The following PTPRQ variants were observed in gnomAD, a reference collection of about 807,000 sequenced individuals.
The protein encoded by PTPRQ is protein tyrosine phosphatase receptor type Q.
In PTPRQ, 199 loss-of-function variants were observed where a neutral mutation model predicts 246.0. The ratio of observed to expected loss-of-function variants is 0.81; its 90% confidence interval spans 0.72 to 0.91. PTPRQ has a LOEUF of 0.91. Ranked by LOEUF, PTPRQ falls within the 40% of genes least tolerant of loss-of-function variation. PTPRQ has a pLI of 0.00. For synonymous variants in PTPRQ, 869 were observed against 853.2 expected, an observed-to-expected ratio of 1.02 and a Z score of -0.32; for missense variants, 2,624 against 2,528.4, an observed-to-expected ratio of 1.04 and a Z score of -0.81.
At chr12:80,450,696 A>G (rs1277971670) in intron 3 of PTPRQ, among the ~76,000 whole-genome samples, 1 of 152,174 alleles carries the variant, frequency 6.6e-6, no homozygotes, top group African/African-American at 2.4e-5. Context: ...ATTTGTGTAT[A>G]TTGAACCAGC....
intron 37 of PTPRQ, among the ~76,000 whole-genome samples, chr12:80,650,678 A>C (rs1900226489): frequency 6.6e-6 from 1 of 152,058 alleles, no homozygotes; most frequent in South Asian, 2.1e-4. Flanking sequence ...GGACTTAACA[A>C]AATCAATAGT....
chr12:80,673,412 C>T, intron 43 of PTPRQ, 108 bp downstream of exon 43: 1 of 1,442,806 alleles, frequency 6.9e-7, no homozygotes, highest in South Asian at 1.4e-5. Context: ...TGGACACCTT[C>T]TTTTCCTACA....
rs113703579 is a variant in PTPRQ at position 80,530,373 on chromosome 12, C to T, written c.2679-3642C>T. On this transcript the variant is annotated intron_variant, in intron 17 of 44. Coordinates refer to ENST00000644991, the MANE Select transcript of PTPRQ (RefSeq NM_001145026.2). The stretch of plus-strand genomic sequence containing the variant: ...TTTTGAGGATAGGGGCTGTATCTTA[C>T]TCATATTTATGCCTAAAGTAGTGCC... Among the ~76,000 whole-genome samples, 8 of 152,266 alleles carry T rather than the reference C, an allele frequency of 5.3e-5. 1 individual carries two copies. Among genetic ancestry groups the T allele is most frequent in the African/African-American group, 1.9e-4 (8 of 41,564 alleles).
In PTPRQ at chr12:80,619,116, T is replaced by C. The variant is rs1399061821; in HGVS notation, c.5231-268T>C. ...ATATATGAGTGAGAGCATGTATAAA[T>C]TGAATTTTTAATATGCAAAGAGGAG... On this transcript the variant is annotated intron_variant, in intron 30 of 44. Transcript: ENST00000644991. 4.0e-5 allele frequency among the ~76,000 whole-genome samples: 6 copies of C among 151,490 alleles called. 1 individual carries two copies. The South Asian group carries it at 1.2e-3, about 31-fold the overall frequency.
chr12:80,452,500 G>C (rs1040775926), intron 3 of PTPRQ, among the ~76,000 whole-genome samples: 1 of 152,142 alleles, frequency 6.6e-6, no homozygotes, highest in Non-Finnish European at 1.5e-5. Flanking sequence ...TCAGTGGCTG[G>C]TACCGGTTGT....
intron 9 of PTPRQ, among the ~76,000 whole-genome samples, chr12:80,492,996 C>T (rs1237350330): frequency 1.3e-5 from 2 of 151,808 alleles, no homozygotes; most frequent in African/African-American, 4.8e-5. Flanking sequence ...CTTATCTTAC[C>T]ATAAAGAAAC....
At chr12:80,618,360 TCACACACACACACA>T (rs3071377) in intron 30 of PTPRQ, among the ~76,000 whole-genome samples, 44 of 125,638 alleles carry the variant, frequency 3.5e-4, no homozygotes, top group African/African-American at 1.0e-3. Context: ...AGCACTACAT[TCACACACACACACA>T]CACACACACA....
chr12:80,604,297 G>A (rs1036813717), intron 26 of PTPRQ, among the ~76,000 whole-genome samples: 1 of 151,532 alleles, frequency 6.6e-6, no homozygotes, highest in Non-Finnish European at 1.5e-5. Flanking sequence ...GAAATTAACT[G>A]TGGCTAAATC....
rs1899465240 is a variant in PTPRQ, at chr12:80,632,207, A to G, written c.5702A>G (p.Glu1901Gly). ...PVKTLGEGLS[E>G]RTVEIILSVT... is the part of the protein sequence containing the mutation. The stretch of plus-strand genomic sequence containing the variant: ...TCTTCTCCAGGGGAAGGACTTTCAG[A>G]AAGAACCGTAGAGATCATTCTTTCC... The change falls in exon 34 of 45, where the codon GAA becomes GGA. Residue 1901 changes from glutamate to glycine, a missense_variant. Glu to Gly is a moderately conservative substitution (Grantham distance 98). Transcript: ENST00000644991. 1.9e-6 allele frequency: 3 copies of G among 1,550,778 alleles called. No individual in the cohort carries two copies. The African/African-American group carries it at 4.1e-5, about 21-fold the overall frequency.
chr12:80,535,830 G>A (rs1390873715), intron 19 of PTPRQ, among the ~76,000 whole-genome samples: 6 of 152,178 alleles, frequency 3.9e-5, no homozygotes, highest in South Asian at 2.1e-4. Context: ...AAACACGGCC[G>A]GGCGTGGTGG....
At chr12:80,446,973 G>C (rs575752932) in intron 3 of PTPRQ, among the ~76,000 whole-genome samples, 3 of 152,056 alleles carry the variant, frequency 2.0e-5, no homozygotes, top group African/African-American at 7.2e-5. Flanking sequence ...TCTATTTTCA[G>C]GTCTTTGAGA....
chr12:80,673,075 A>G lies in PTPRQ; in HGVS notation c.6603-94A>G, dbSNP rs138969399. The G allele has an allele frequency of 2.6e-4, 384 of 1,460,402 alleles. 1 individual carries two copies. The African/African-American group carries it at 5.2e-3, about 20-fold the overall frequency. 90.5% of individuals were successfully genotyped at this position (1,460,402 alleles called of 1,614,324 possible). On this transcript the variant is annotated intron_variant, in intron 42 of 44. Coordinates refer to ENST00000644991, the MANE Select transcript of PTPRQ (RefSeq NM_001145026.2). ...CCTCCAAATAAGAGAAGAAACTATT[A>G]GAATTTATTGCTATCATAGCTCATT...
intron 26 of PTPRQ, among the ~76,000 whole-genome samples, chr12:80,591,487 T>C (rs1456380510): frequency 2.6e-5 from 4 of 152,128 alleles, no homozygotes; most frequent in African/African-American, 7.2e-5. Context: ...AAATATTCCC[T>C]GAATGAGAGA....
At chr12:80,634,421 A>G (rs1260994505) in intron 34 of PTPRQ, among the ~76,000 whole-genome samples, 2 of 152,202 alleles carry the variant, frequency 1.3e-5, no homozygotes, top group African/African-American at 4.8e-5. Context: ...CTGATTGTAA[A>G]GATAATATCT....
At chr12:80,486,493 G>A (rs888399160) in intron 9 of PTPRQ, among the ~76,000 whole-genome samples, 6 of 152,070 alleles carry the variant, frequency 3.9e-5, no homozygotes, top group African/African-American at 1.4e-4. Context: ...CTGGGTTCTT[G>A]GCCTGACTCT....
chr12:80,512,392 C>T (rs1895150131), intron 17 of PTPRQ, among the ~76,000 whole-genome samples: 1 of 152,084 alleles, frequency 6.6e-6, no homozygotes, highest in African/African-American at 2.4e-5. Flanking sequence ...TGCTGTTCAC[C>T]CAGTTTTTCT....
chr12:80,576,826 C>A (rs556635512), intron 25 of PTPRQ, among the ~76,000 whole-genome samples: 1 of 152,156 alleles, frequency 6.6e-6, no homozygotes, highest in Non-Finnish European at 1.5e-5. Flanking sequence ...ACCCATTATG[C>A]TAACACAAAC....
In PTPRQ at chr12:80,496,276, G is replaced by A. The variant is rs375302493; in HGVS notation, c.2017G>A (p.Glu673Lys). Reference protein sequence around the residue: ...DEPESSPQDVEVIDVTADEIR... With the variant: ...DEPESSPQDVKVIDVTADEIR... ...ACCGGAATCATCACCTCAAGATGTC[G>A]AAGTAATTGATGTTACCGCAGATGA... The change falls in exon 14 of 45, where the codon GAA (glutamate) becomes AAA (lysine). Residue 673 changes from glutamate (E) to lysine (K), a missense_variant. Physicochemically the swap from Glu to Lys is moderately conservative, Grantham distance 56 (BLOSUM62 1). Coordinates refer to ENST00000644991, the MANE Select transcript of PTPRQ (RefSeq NM_001145026.2). 11 of 1,550,312 alleles carry A rather than the reference G, an allele frequency of 7.1e-6. No individual in the cohort carries two copies. Among genetic ancestry groups the A allele is most frequent in the Admixed American group, 3.9e-5 (2 of 50,888 alleles).
chr12:80,666,713 G>A lies in PTPRQ; in HGVS notation c.6193-2294G>A, dbSNP rs147385319. The stretch of plus-strand genomic sequence containing the variant: ...ATTATGTGTCAAAATAATAAGAAAA[G>A]ATTATTAAAAACTGCTCATCTGGAG... On this transcript the variant is annotated intron_variant, in intron 39 of 44. Transcript: ENST00000644991. Among the ~76,000 whole-genome samples the A allele has an allele frequency of 2.5e-3, 385 of 152,030 alleles. 1 individual carries two copies. Among genetic ancestry groups the A allele is most frequent in the African/African-American group, 8.9e-3 (370 of 41,516 alleles).
Sources: gnomAD v4.1 joint callset for allele counts (sites outside exome capture counted in the v4.1 genomes callset) on GRCh38, gnomAD v4.1.1 for gene constraint, MANE v1.5 for transcripts, NCBI Gene and HGNC (gene_info 2026-07-23, HGNC 2026-07-21) for gene names.